TTC27: variants seen among roughly 807,000 people sequenced by gnomAD.
TTC27 encodes the protein tetratricopeptide repeat domain 27, also known as tetratricopeptide repeat protein 27.
Under a neutral mutation model 115.9 loss-of-function variants are expected in TTC27, and 79 were observed. That is an observed-to-expected ratio of 0.68 (90% confidence interval 0.57 to 0.82). The LOEUF (loss-of-function observed/expected upper bound fraction) is 0.82, where lower values mean the gene tolerates loss of function less well. Among genes scored for constraint, TTC27 ranks in the 40% least tolerant of loss-of-function variants. The pLI is 0.00. For synonymous variants in TTC27, 401 were observed against 356.0 expected (o/e 1.13, Z -1.42); for missense variants, 1,054 against 993.1 (o/e 1.06, Z -0.82).
chr2:32,814,644 A>G (rs1018727352), intron 18 of TTC27, among the ~76,000 whole-genome samples: 4 of 152,234 alleles, frequency 2.6e-5, no homozygotes, highest in Non-Finnish European at 4.4e-5. Context: ...GCCCCATAAT[A>G]TTGTAAAACC....
chr2:32,650,631 T>C (rs1366082348), intron 5 of TTC27, among the ~76,000 whole-genome samples: 2 of 151,878 alleles, frequency 1.3e-5, no homozygotes, highest in Admixed American at 1.3e-4. Flanking sequence ...TGAGCTGGAG[T>C]AAATTATGTT....
Position 32,698,671 on chromosome 2 carries a change from G to T in TTC27, c.1120-4136G>T, listed in dbSNP as rs572546329. 4.4e-4 allele frequency among the ~76,000 whole-genome samples: 67 copies of T among 151,764 alleles called. 2 individuals carry two copies. The South Asian group carries it at 0.011, about 25-fold the overall frequency. ...ATTTTTTTGTATTTTTAGTAGAGAT[G>T]GGGTTTCACCATGTTAGCCAGGATG... On this transcript the variant is annotated intron_variant, in intron 9 of 19. Coordinates refer to ENST00000317907, the MANE Select transcript of TTC27 (RefSeq NM_017735.5).
At chr2:32,807,932 T>A (rs1170075144) in intron 16 of TTC27, among the ~76,000 whole-genome samples, 1 of 147,246 alleles carries the variant, frequency 6.8e-6, no homozygotes. Context: ...TGCCCTCTTT[T>A]TTTTTTTTTT....
chr2:32,767,345 A>G (rs1448418464), intron 13 of TTC27, among the ~76,000 whole-genome samples: 1 of 152,186 alleles, frequency 6.6e-6, no homozygotes, highest in Non-Finnish European at 1.5e-5. Context: ...AATCATAAAT[A>G]GAGACAGCAT....
rs770388442 is a variant in TTC27 at position 32,733,824 on chromosome 2, T to TA, written c.1234-2dup. Reference sequence around the variant, plus strand: ...GATTCTGATTGTGATATATGTCCTTTAAGGCTCTTGCAGACCAATTTGAAG... The same window carrying TA: ...GATTCTGATTGTGATATATGTCCTTTAAAGGCTCTTGCAGACCAATTTGAAG... On this transcript the variant is annotated splice_polypyrimidine_tract_variant and splice_region_variant and intron_variant, in intron 10 of 19. Coordinates refer to ENST00000317907, the MANE Select transcript of TTC27 (RefSeq NM_017735.5). The TA allele has an allele frequency of 3.7e-6, 6 of 1,602,464 alleles. No homozygotes were observed. The South Asian group carries it at 4.5e-5, about 12-fold the overall frequency.
At chr2:32,700,434 T>A (rs1667144586) in intron 9 of TTC27, among the ~76,000 whole-genome samples, 1 of 152,080 alleles carries the variant, frequency 6.6e-6, no homozygotes, top group South Asian at 2.1e-4. Flanking sequence ...TAGATGATAA[T>A]CCCTTTAATA....
chr2:32,663,827 G>C (rs1324943710), intron 5 of TTC27, among the ~76,000 whole-genome samples: 1 of 152,090 alleles, frequency 6.6e-6, no homozygotes, highest in Admixed American at 6.6e-5. Flanking sequence ...TGGGACTACA[G>C]GCGCATGCCA....
At chr2:32,651,016 A>G (rs1377369832) in intron 5 of TTC27, among the ~76,000 whole-genome samples, 1 of 152,078 alleles carries the variant, frequency 6.6e-6, no homozygotes, top group Non-Finnish European at 1.5e-5. Context: ...GTTGCCACAC[A>G]AAACAAAAAC....
chr2:32,735,661 T>G (rs1217520808), intron 11 of TTC27, among the ~76,000 whole-genome samples: 1 of 152,212 alleles, frequency 6.6e-6, no homozygotes, highest in African/African-American at 2.4e-5. Flanking sequence ...GTCTCTACTT[T>G]GCTACTAACT....
intron 19 of TTC27, among the ~76,000 whole-genome samples, chr2:32,818,196 G>A (rs1671569869): frequency 2.6e-5 from 4 of 152,056 alleles, no homozygotes. Flanking sequence ...GTAAACTTCT[G>A]GTTTAAATAT....
chr2:32,653,167 A>G (rs937323037), intron 5 of TTC27, among the ~76,000 whole-genome samples: 3 of 152,238 alleles, frequency 2.0e-5, no homozygotes, highest in African/African-American at 7.2e-5. Flanking sequence ...GTAATATTGC[A>G]CTTTAGCTGT....
intron 10 of TTC27, among the ~76,000 whole-genome samples, chr2:32,716,592 C>T (rs371599371): frequency 1.1e-4 from 17 of 152,192 alleles, no homozygotes; most frequent in African/African-American, 3.6e-4. Context: ...AATCAGCACA[C>T]TTTTCATCTC....
intron 10 of TTC27, among the ~76,000 whole-genome samples, chr2:32,725,585 C>G (rs11885355): frequency 0.79 from 120,372 of 152,116 alleles, 47,826 homozygotes; most frequent in South Asian, 0.88. Context: ...GGCTTTGCAG[C>G]GTACAGCTTC....
intron 18 of TTC27, 25 bp downstream of exon 18, chr2:32,812,640 C>T: frequency 6.5e-7 from 1 of 1,545,448 alleles, no homozygotes; most frequent in Non-Finnish European, 8.9e-7. Context: ...ATTTGATATC[C>T]ATGGAATGTT....
intron 12 of TTC27, among the ~76,000 whole-genome samples, chr2:32,748,931 G>T (rs1668919816): frequency 6.6e-6 from 1 of 151,902 alleles, no homozygotes; most frequent in Admixed American, 6.6e-5. Context: ...CAGGAGATCT[G>T]CCCGCCTCAG....
At chr2:32,712,580 G>A (rs1667616160) in intron 10 of TTC27, among the ~76,000 whole-genome samples, 1 of 150,468 alleles carries the variant, frequency 6.6e-6, no homozygotes, top group African/African-American at 2.5e-5. Context: ...TTTTAAATGA[G>A]GCAGAGTCTC....
rs1418534496 is a variant in TTC27, at chr2:32,791,897, CAAAAT to C, written c.1998+4753_1998+4757del. Among the ~76,000 whole-genome samples, 4 of 152,146 alleles carry C rather than the reference CAAAAT, an allele frequency of 2.6e-5. No individual in the cohort carries two copies. In the South Asian group the frequency reaches 8.3e-4, roughly 32 times the overall value. The stretch of plus-strand genomic sequence containing the variant: ...CTCAAAAAAATATGAAATAAAATAA[CAAAAT>C]AAAAAAATAATTTGCAGATAATTTT... On this transcript the variant is annotated intron_variant, in intron 16 of 19. Transcript: ENST00000317907.
rs762596393 is a variant in TTC27 at position 32,733,874 on chromosome 2, G to A, written c.1280G>A (p.Arg427His). Reference protein sequence around the residue: ...FEDKTTSVLERLKIFYCCQVP... With the variant: ...FEDKTTSVLEHLKIFYCCQVP... ...GATAAAACTACATCTGTATTGGAAC[G>A]CCTGAAGATTTTCTATTGCTGTCAA... Residue 427 changes from arginine to histidine, a missense_variant, in exon 11 of 20, where the codon CGC (arginine) becomes CAC (histidine). Coordinates refer to ENST00000317907, the MANE Select transcript of TTC27 (RefSeq NM_017735.5). The A allele has an allele frequency of 1.4e-5, 22 of 1,612,084 alleles. No individual in the cohort carries two copies. The highest frequency in any genetic ancestry group is 1.3e-4 in the Admixed American group (8 of 59,810).
intron 4 of TTC27, among the ~76,000 whole-genome samples, chr2:32,647,996 T>C (rs1177296590): frequency 6.6e-6 from 1 of 152,226 alleles, no homozygotes; most frequent in Non-Finnish European, 1.5e-5. Flanking sequence ...TCATAACTTG[T>C]ACACATGTAC....
Sources: gnomAD v4.1 joint callset for allele counts (sites outside exome capture counted in the v4.1 genomes callset) on GRCh38, gnomAD v4.1.1 for gene constraint, MANE v1.5 for transcripts, NCBI Gene and HGNC (gene_info 2026-07-23, HGNC 2026-07-21) for gene names.